The following FRMD4A variants were observed in gnomAD, a reference collection of about 807,000 sequenced individuals.
The protein encoded by FRMD4A is FERM domain containing 4A.
Under a neutral mutation model 129.1 loss-of-function variants are expected in FRMD4A, and 29 were observed. The ratio of observed to expected loss-of-function variants is 0.22; its 90% confidence interval spans 0.17 to 0.31. The LOEUF (loss-of-function observed/expected upper bound fraction) is 0.31, where lower values mean the gene tolerates loss of function less well. Ranked by LOEUF, FRMD4A falls within the 10% of genes least tolerant of loss-of-function variation. The probability of loss-of-function intolerance (pLI) is 1.00; values close to 1 mark genes in which losing one functional copy is unlikely to be tolerated. For synonymous variants in FRMD4A, 634 were observed against 571.6 expected (o/e 1.11, Z -1.56); for missense variants, 1,272 against 1,375.8 (o/e 0.92, Z 1.19).
At chr10:14,037,619 T>G (rs1833561875) in intron 2 of FRMD4A, among the ~76,000 whole-genome samples, 1 of 152,006 alleles carries the variant, frequency 6.6e-6, no homozygotes, top group South Asian at 2.1e-4. Context: ...TAAGGTAGAC[T>G]TCTAGGAGTA....
chr10:13,905,651 T>C (rs12776420), intron 2 of FRMD4A, among the ~76,000 whole-genome samples: 46,989 of 152,090 alleles, frequency 0.31, 7,647 homozygotes, highest in Middle Eastern at 0.36. Context: ...ATAATTTCTG[T>C]GGCAACACAA....
intron 2 of FRMD4A, among the ~76,000 whole-genome samples, chr10:13,919,264 T>C (rs575488454): frequency 3.4e-4 from 52 of 152,374 alleles, no homozygotes; most frequent in African/African-American, 1.3e-3. Flanking sequence ...TTGTTTATAC[T>C]GCAGTTGGGT....
intron 2 of FRMD4A, chr10:13,972,132 A>G (rs1228695656): frequency 1.9e-6 from 2 of 1,075,370 alleles, no homozygotes; most frequent in Non-Finnish European, 1.1e-6. Flanking sequence ...TTCTCAGTGG[A>G]CTGAGGCTGG....
chr10:14,259,863 A>G (rs1378495659), intron 2 of FRMD4A, among the ~76,000 whole-genome samples: 1 of 150,192 alleles, frequency 6.7e-6, no homozygotes, highest in Non-Finnish European at 1.5e-5. Context: ...GCCCACAGCT[A>G]CATGGCTCCA....
chr10:14,017,862 C>T (rs1017589762), intron 2 of FRMD4A, among the ~76,000 whole-genome samples: 4 of 152,166 alleles, frequency 2.6e-5, no homozygotes, highest in Admixed American at 2.0e-4. Context: ...TTTGAAGCCT[C>T]ATGTCATGGG....
chr10:14,194,134 C>T (rs1383679719), intron 2 of FRMD4A, among the ~76,000 whole-genome samples: 2 of 152,164 alleles, frequency 1.3e-5, no homozygotes, highest in Admixed American at 6.5e-5. Flanking sequence ...CTTCATTTTG[C>T]AAATTCCCTA....
At chr10:13,771,532 C>A (rs112321013) in intron 6 of FRMD4A, among the ~76,000 whole-genome samples, 1,597 of 152,252 alleles carry the variant, frequency 0.01, 17 homozygotes, top group Middle Eastern at 0.024. Context: ...AATCCTTGCT[C>A]CCTTGGAAAG....
intron 2 of FRMD4A, among the ~76,000 whole-genome samples, chr10:14,084,247 A>C (rs1836115308): frequency 6.6e-6 from 1 of 152,110 alleles, no homozygotes; most frequent in South Asian, 2.1e-4. Context: ...CCTGGGTTCA[A>C]GTGATTCTCT....
At chr10:14,298,253 A>G (rs1165824645) in intron 2 of FRMD4A, among the ~76,000 whole-genome samples, 1 of 152,214 alleles carries the variant, frequency 6.6e-6, no homozygotes, top group Non-Finnish European at 1.5e-5. Context: ...TGAATCTGAC[A>G]GGTAAATATA....
intron 12 of FRMD4A, among the ~76,000 whole-genome samples, chr10:13,715,996 A>C (rs540328268): frequency 6.6e-6 from 1 of 152,258 alleles, no homozygotes; most frequent in African/African-American, 2.4e-5. Flanking sequence ...AAAACATAAA[A>C]GTTATGAATA....
chr10:13,774,979 A>G (rs1238552557), intron 6 of FRMD4A, among the ~76,000 whole-genome samples: 2 of 151,832 alleles, frequency 1.3e-5, no homozygotes, highest in Non-Finnish European at 2.9e-5. Flanking sequence ...AAACAAAACC[A>G]TAATGGCAAA....
chr10:14,036,603 A>G (rs960308165), intron 2 of FRMD4A, among the ~76,000 whole-genome samples: 1 of 152,142 alleles, frequency 6.6e-6, no homozygotes, highest in Non-Finnish European at 1.5e-5. Flanking sequence ...CTCTAAGCAC[A>G]TGCTTGAGAG....
intron 13 of FRMD4A, among the ~76,000 whole-genome samples, chr10:13,703,883 T>C (rs142191921): frequency 3.5e-3 from 528 of 152,340 alleles, no homozygotes; most frequent in Non-Finnish European, 5.6e-3. Flanking sequence ...CGCACGCCTG[T>C]AGTCCCAGCT....
chr10:14,319,367 T>TCTCTCTCTCTCTCTCA lies in FRMD4A; in HGVS notation c.45+10690_45+10691insTGAGAGAGAGAGAGAG, dbSNP rs112041665. Among the ~76,000 whole-genome samples, 1,096 of 145,106 alleles carry TCTCTCTCTCTCTCTCA rather than the reference T, an allele frequency of 7.6e-3. 17 individuals are homozygous for TCTCTCTCTCTCTCTCA. Among genetic ancestry groups the TCTCTCTCTCTCTCTCA allele is most frequent in the African/African-American group, 0.028 (1,037 of 37,124 alleles). ...TCTCTCTCCTCTCTCTCTCTCTCTC[T>TCTCTCTCTCTCTCTCA]CACACACACACACACACACATGATA... On this transcript the variant is annotated intron_variant, in intron 2 of 24. Coordinates refer to ENST00000357447, the MANE Select transcript of FRMD4A (RefSeq NM_018027.5).
intron 2 of FRMD4A, among the ~76,000 whole-genome samples, chr10:14,185,474 A>G (rs1228423866): frequency 6.6e-6 from 1 of 152,228 alleles, no homozygotes; most frequent in Non-Finnish European, 1.5e-5. Flanking sequence ...AAAAAACATT[A>G]CAACATTTTG....
chr10:14,092,277 A>T (rs527509216), intron 2 of FRMD4A, among the ~76,000 whole-genome samples: 1 of 152,140 alleles, frequency 6.6e-6, no homozygotes, highest in Admixed American at 6.5e-5. Context: ...CTATTCTCCT[A>T]TTGAATAAAG....
rs1341305642 is a variant in FRMD4A, at chr10:13,881,988, AGGGTGTGTGT to A, written c.46-23086_46-23077del. 5.5e-3 allele frequency among the ~76,000 whole-genome samples: 59 copies of A among 10,722 alleles called. 1 individual carries two copies. Among genetic ancestry groups the A allele is most frequent in the South Asian group, 0.021 (6 of 284 alleles). 7.0% of individuals were successfully genotyped at this position (10,722 alleles called of 152,430 possible). A position where few individuals can be genotyped will look rare whatever the true frequency, so the allele number is the denominator to read the frequency against. On this transcript the variant is annotated intron_variant, in intron 2 of 24. Transcript: ENST00000357447. ...GGTCAAATGTGCTTGGGGAGAGGCA[AGGGTGTGTGT>A]GTGTGTGTGTGTGTGTGTGTGTGTG... is the stretch of plus-strand genomic sequence containing the variant.
chr10:14,215,850 A>T (rs964042839), intron 2 of FRMD4A, among the ~76,000 whole-genome samples: 13 of 152,174 alleles, frequency 8.5e-5, no homozygotes, highest in Admixed American at 6.5e-4. Context: ...GAACTTTGTC[A>T]TGGGAGTCTC....
At chr10:13,819,938 G>A (rs571541963) in intron 3 of FRMD4A, among the ~76,000 whole-genome samples, 2 of 152,306 alleles carry the variant, frequency 1.3e-5, no homozygotes, top group East Asian at 3.9e-4. Context: ...TGGCCAGGCT[G>A]GTCTCGAACT....
Sources: allele counts gnomAD v4.1 joint callset (sites outside exome capture counted in the v4.1 genomes callset), GRCh38; gene constraint gnomAD v4.1.1; transcripts MANE v1.5; gene names NCBI Gene and HGNC (gene_info 2026-07-23, HGNC 2026-07-21).